HS3ST3A1: variants seen among roughly 807,000 people sequenced by gnomAD.
HS3ST3A1 encodes heparan sulfate-glucosamine 3-sulfotransferase 3A1.
HS3ST3A1 carries 19 observed loss-of-function variants against 25.7 expected under a neutral mutation model. The ratio of observed to expected loss-of-function variants is 0.74; its 90% CI spans 0.52 to 1.08. The LOEUF (loss-of-function observed/expected upper bound fraction) is 1.08. HS3ST3A1 is among the 50% of genes least tolerant of loss of function. HS3ST3A1 has a pLI of 0.00. For synonymous variants in HS3ST3A1, 226 were observed against 278.6 expected, an observed-to-expected ratio of 0.81 and a Z score of 1.88; for missense variants, 459 against 594.3, an observed-to-expected ratio of 0.77 and a Z score of 2.37.
At chr17:13,567,355 T>A (rs1409081987) in intron 1 of HS3ST3A1, among the ~76,000 whole-genome samples, 1 of 152,206 alleles carries the variant, frequency 6.6e-6, no homozygotes, top group African/African-American at 2.4e-5. Flanking sequence ...ATCTCTGAGG[T>A]ATAAGATGAA....
At chr17:13,534,250 G>A (rs1906700589) in intron 1 of HS3ST3A1, among the ~76,000 whole-genome samples, 1 of 152,114 alleles carries the variant, frequency 6.6e-6, no homozygotes, top group Admixed American at 6.6e-5. Flanking sequence ...TATTTAAGAT[G>A]CTTGGAACAA....
chr17:13,505,682 A>G (rs1182362067), intron 1 of HS3ST3A1, among the ~76,000 whole-genome samples: 4 of 152,062 alleles, frequency 2.6e-5, no homozygotes, highest in Non-Finnish European at 5.9e-5. Flanking sequence ...AAATTTTATT[A>G]AAGTGAACAA....
intron 1 of HS3ST3A1, among the ~76,000 whole-genome samples, chr17:13,599,832 A>AAT (rs1908672157): frequency 6.6e-6 from 1 of 152,222 alleles, no homozygotes; most frequent in Non-Finnish European, 1.5e-5. Context: ...AGATCTTTAG[A>AAT]AAAGTTTCTG....
chr17:13,537,640 G>A (rs1200154658), intron 1 of HS3ST3A1, among the ~76,000 whole-genome samples: 1 of 152,226 alleles, frequency 6.6e-6, no homozygotes, highest in Non-Finnish European at 1.5e-5. Flanking sequence ...CATACCAGCA[G>A]TGGCCAAACC....
chr17:13,540,414 G>A (rs141202745), intron 1 of HS3ST3A1, among the ~76,000 whole-genome samples: 8 of 152,152 alleles, frequency 5.3e-5, no homozygotes, highest in African/African-American at 1.7e-4. Context: ...AGCATTTTGT[G>A]TAATTGCCTC....
At chr17:13,585,245 G>C (rs1908226285) in intron 1 of HS3ST3A1, among the ~76,000 whole-genome samples, 1 of 119,566 alleles carries the variant, frequency 8.4e-6, no homozygotes, top group African/African-American at 3.3e-5. Flanking sequence ...TGTCGCCCAG[G>C]CTGGAGTGCA....
At chr17:13,541,219 A>G (rs2142344346) in intron 1 of HS3ST3A1, among the ~76,000 whole-genome samples, 1 of 152,308 alleles carries the variant, frequency 6.6e-6, no homozygotes, top group East Asian at 1.9e-4. Context: ...GCCAGGGGGA[A>G]AGAAAAATTC....
intron 1 of HS3ST3A1, among the ~76,000 whole-genome samples, chr17:13,557,728 G>C (rs1380189306): frequency 6.6e-6 from 1 of 152,170 alleles, no homozygotes; most frequent in African/African-American, 2.4e-5. Context: ...CTCTCAAGCT[G>C]CAGAGAAAAG....
intron 1 of HS3ST3A1, among the ~76,000 whole-genome samples, chr17:13,521,186 G>A (rs893287840): frequency 6.6e-6 from 1 of 152,160 alleles, no homozygotes; most frequent in African/African-American, 2.4e-5. Flanking sequence ...AGAAGTCCCC[G>A]TGTTTTGTGT....
At chr17:13,574,818 C>G (rs959338225) in intron 1 of HS3ST3A1, among the ~76,000 whole-genome samples, 1 of 152,020 alleles carries the variant, frequency 6.6e-6, no homozygotes, top group Non-Finnish European at 1.5e-5. Flanking sequence ...CAAAAATGTT[C>G]CCCATGTCAA....
chr17:13,549,066 C>T (rs563554075), intron 1 of HS3ST3A1, among the ~76,000 whole-genome samples: 113 of 152,330 alleles, frequency 7.4e-4, no homozygotes, highest in Middle Eastern at 3.4e-3. Flanking sequence ...ATAAATCTTG[C>T]TGTTGCTCAC....
chr17:13,562,984 G>T (rs761571349), intron 1 of HS3ST3A1, among the ~76,000 whole-genome samples: 1 of 151,734 alleles, frequency 6.6e-6, no homozygotes, highest in Non-Finnish European at 1.5e-5. Flanking sequence ...TCATTTCATT[G>T]GGGTAAAGAA....
intron 1 of HS3ST3A1, among the ~76,000 whole-genome samples, chr17:13,593,752 A>G (rs1374479026): frequency 1.3e-5 from 2 of 149,556 alleles, no homozygotes; most frequent in Non-Finnish European, 3.0e-5. Flanking sequence ...TGTGAAAAAT[A>G]GCACAGAGAA....
At chr17:13,585,829 C>T (rs200409637) in intron 1 of HS3ST3A1, among the ~76,000 whole-genome samples, 3 of 124,578 alleles carry the variant, frequency 2.4e-5, no homozygotes, top group Non-Finnish European at 5.2e-5. Flanking sequence ...ACCTGTTATT[C>T]CTCCTTCTGC....
At chr17:13,577,281 TC>T (rs534349991) in intron 1 of HS3ST3A1, among the ~76,000 whole-genome samples, 85 of 152,278 alleles carry the variant, frequency 5.6e-4, no homozygotes, top group African/African-American at 2.0e-3. Flanking sequence ...TGCTATTAAT[TC>T]ATGGAACTAA....
At chr17:13,513,372 T>G (rs1598410303) in intron 1 of HS3ST3A1, among the ~76,000 whole-genome samples, 2 of 152,280 alleles carry the variant, frequency 1.3e-5, no homozygotes, top group East Asian at 3.9e-4. Context: ...ATAGCAGCTT[T>G]CCAAATGGGC....
intron 1 of HS3ST3A1, among the ~76,000 whole-genome samples, chr17:13,527,339 G>A (rs1262410992): frequency 1.3e-5 from 2 of 152,162 alleles, no homozygotes; most frequent in Non-Finnish European, 2.9e-5. Context: ...GAATACCCAA[G>A]GGACACAGAG....
chr17:13,524,635 G>A (rs1293981930), intron 1 of HS3ST3A1, among the ~76,000 whole-genome samples: 1 of 152,078 alleles, frequency 6.6e-6, no homozygotes, highest in East Asian at 1.9e-4. Context: ...TATTCCACCA[G>A]TACTGTGGTA....
At chr17:13,510,365 T>C (rs1427404985) in intron 1 of HS3ST3A1, among the ~76,000 whole-genome samples, 1 of 152,260 alleles carries the variant, frequency 6.6e-6, no homozygotes, top group African/African-American at 2.4e-5. Context: ...AACGTGTTTT[T>C]CCTTGCTTGC....
Sources: gnomAD v4.1 joint callset for allele counts (sites outside exome capture counted in the v4.1 genomes callset) on GRCh38, gnomAD v4.1.1 for gene constraint, MANE v1.5 for transcripts, NCBI Gene and HGNC (gene_info 2026-07-23, HGNC 2026-07-21) for gene names.